The following GPC6 variants were observed in gnomAD, a reference collection of about 807,000 sequenced individuals.
The protein encoded by GPC6 is glypican 6, also known as glypican-6.
In GPC6, 14 loss-of-function variants were observed where a neutral mutation model predicts 55.2. The observed-to-expected ratio is 0.25, with a 90% CI of 0.17 to 0.40. The LOEUF (loss-of-function observed/expected upper bound fraction) is 0.40, where lower values mean the gene tolerates loss of function less well. Among genes scored for constraint, GPC6 ranks in the 10% least tolerant of loss-of-function variants. The pLI is 1.00. For synonymous variants in GPC6, 278 were observed against 259.6 expected, an observed-to-expected ratio of 1.07 and a Z score of -0.68; for missense variants, 641 against 708.5, an observed-to-expected ratio of 0.90 and a Z score of 1.08.
At chr13:93,863,906 C>T (rs762199972) in intron 3 of GPC6, among the ~76,000 whole-genome samples, 4 of 151,720 alleles carry the variant, frequency 2.6e-5, no homozygotes, top group South Asian at 2.1e-4. Context: ...GGGAAATAAA[C>T]ATCCATGCCC....
chr13:93,875,610 T>C (rs1889268209), intron 3 of GPC6, among the ~76,000 whole-genome samples: 1 of 152,074 alleles, frequency 6.6e-6, no homozygotes. Flanking sequence ...GTTTTTGTTC[T>C]GAGAGAAGTG....
chr13:93,930,121 T>A (rs915145507), intron 3 of GPC6, among the ~76,000 whole-genome samples: 2 of 152,206 alleles, frequency 1.3e-5, no homozygotes, highest in East Asian at 3.9e-4. Context: ...CTAATTCATT[T>A]GGGAAAGTTC....
intron 6 of GPC6, among the ~76,000 whole-genome samples, chr13:94,334,606 A>C (rs1877589017): frequency 6.6e-6 from 1 of 152,210 alleles, no homozygotes; most frequent in South Asian, 2.1e-4. Context: ...GCCCCATTCC[A>C]GACCTACGGA....
At chr13:93,602,682 T>C (rs540983229) in intron 2 of GPC6, among the ~76,000 whole-genome samples, 2 of 152,310 alleles carry the variant, frequency 1.3e-5, no homozygotes, top group Non-Finnish European at 2.9e-5. Context: ...ATATAAAATA[T>C]GGATGCAAGA....
At chr13:93,613,530 A>ACACACACACACACAC (rs1566450041) in intron 2 of GPC6, among the ~76,000 whole-genome samples, 1 of 140,000 alleles carries the variant, frequency 7.1e-6, no homozygotes, top group African/African-American at 2.9e-5. Flanking sequence ...ACACACACAA[A>ACACACACACACACAC]ACACACACAC....
At chr13:93,530,330 T>C (rs1245618732) in intron 1 of GPC6, among the ~76,000 whole-genome samples, 1 of 152,182 alleles carries the variant, frequency 6.6e-6, no homozygotes, top group African/African-American at 2.4e-5. Flanking sequence ...TGTCCACCAT[T>C]CTTAAAATAA....
chr13:94,017,568 T>G (rs1266091668), intron 3 of GPC6, among the ~76,000 whole-genome samples: 1 of 152,110 alleles, frequency 6.6e-6, no homozygotes, highest in Non-Finnish European at 1.5e-5. Context: ...CTGCCCTTGA[T>G]AGGTGGGGAG....
intron 4 of GPC6, among the ~76,000 whole-genome samples, chr13:94,206,227 A>G (rs1889897860): frequency 6.6e-6 from 1 of 152,214 alleles, no homozygotes; most frequent in Non-Finnish European, 1.5e-5. Context: ...ATGCTTTTCT[A>G]TGAGAAGAAA....
At chr13:94,037,627 G>A (rs749208994) in intron 4 of GPC6, among the ~76,000 whole-genome samples, 3 of 151,872 alleles carry the variant, frequency 2.0e-5, no homozygotes, top group Non-Finnish European at 4.4e-5. Flanking sequence ...TTGCAGATGG[G>A]AAAACTGAAA....
chr13:94,020,267 A>AT (rs1220922387), intron 3 of GPC6, among the ~76,000 whole-genome samples: 3 of 152,150 alleles, frequency 2.0e-5, no homozygotes, highest in East Asian at 3.9e-4. Flanking sequence ...ATGTGGTTTA[A>AT]TTTTCACGTC....
chr13:93,999,105 G>C (rs972406900), intron 3 of GPC6, among the ~76,000 whole-genome samples: 1 of 152,004 alleles, frequency 6.6e-6, no homozygotes, highest in African/African-American at 2.4e-5. Flanking sequence ...AGGTATACAC[G>C]TGCCATGGTG....
At chr13:93,944,170 TTTTATTTATTTA>T (rs140286554) in intron 3 of GPC6, among the ~76,000 whole-genome samples, 73,494 of 144,814 alleles carry the variant, frequency 0.51, 18,755 homozygotes, top group Middle Eastern at 0.58. Context: ...CTTCCTTTTA[TTTTATTTATTTA>T]TTTATTTATT....
chr13:93,776,549 A>T (rs1469313844), intron 2 of GPC6, among the ~76,000 whole-genome samples: 1 of 152,082 alleles, frequency 6.6e-6, no homozygotes, highest in African/African-American at 2.4e-5. Flanking sequence ...TATGATCCGG[A>T]TCCATCAATA....
intron 7 of GPC6, among the ~76,000 whole-genome samples, chr13:94,385,777 C>T (rs1880374593): frequency 6.6e-6 from 1 of 151,998 alleles, no homozygotes. Flanking sequence ...TCTAGAAAAA[C>T]ATCAAAGAAA....
chr13:93,551,045 C>T (rs887933359), intron 2 of GPC6, among the ~76,000 whole-genome samples: 1 of 152,018 alleles, frequency 6.6e-6, no homozygotes, highest in East Asian at 1.9e-4. Flanking sequence ...TAGTGGCATC[C>T]AAGAAGACTT....
At chr13:93,875,511 C>T (rs565316446) in intron 3 of GPC6, among the ~76,000 whole-genome samples, 1 of 152,146 alleles carries the variant, frequency 6.6e-6, no homozygotes, top group South Asian at 2.1e-4. Flanking sequence ...ACCAGCCCAC[C>T]TGCTTTAATT....
intron 1 of GPC6, among the ~76,000 whole-genome samples, chr13:93,504,005 C>A (rs1185226744): frequency 2.0e-5 from 3 of 151,860 alleles, no homozygotes; most frequent in African/African-American, 4.8e-5. Flanking sequence ...TGATATTTTG[C>A]CTTTTTGATT....
intron 7 of GPC6, among the ~76,000 whole-genome samples, chr13:94,392,909 G>A (rs1013858281): frequency 1.5e-4 from 23 of 151,266 alleles, no homozygotes; most frequent in African/African-American, 1.2e-4. Flanking sequence ...CACTGCACCC[G>A]GCCCTGTTTT....
chr13:94,012,257 T>A (rs1318152212), intron 3 of GPC6, among the ~76,000 whole-genome samples: 17 of 152,042 alleles, frequency 1.1e-4, no homozygotes, highest in Admixed American at 1.1e-3. Context: ...ATTTCTCTTA[T>A]TTTTTTTCTC....
Sources: allele counts gnomAD v4.1 joint callset (sites outside exome capture counted in the v4.1 genomes callset), GRCh38; gene constraint gnomAD v4.1.1; transcripts MANE v1.5; gene names NCBI Gene and HGNC (gene_info 2026-07-23, HGNC 2026-07-21).